FSTL5: variants seen among roughly 807,000 people sequenced by gnomAD.
FSTL5 encodes follistatin-related protein 5.
In FSTL5, 62 loss-of-function variants were observed where a neutral mutation model predicts 89.1. The ratio of observed to expected loss-of-function variants is 0.70; its 90% CI spans 0.57 to 0.86. FSTL5 has a LOEUF of 0.86. Among genes scored for constraint, FSTL5 ranks in the 40% least tolerant of loss-of-function variants. The pLI is 0.00. For missense variants in FSTL5, 1,057 were observed against 1,001.6 expected, an observed-to-expected ratio of 1.06 and a Z score of -0.75; for synonymous variants, 383 against 346.2, an observed-to-expected ratio of 1.11 and a Z score of -1.18.
chr4:161,641,814 G>A (rs953007149), intron 7 of FSTL5, among the ~76,000 whole-genome samples: 11 of 151,910 alleles, frequency 7.2e-5, no homozygotes, highest in African/African-American at 2.4e-4. Context: ...TTCAGTTGAG[G>A]ATGTTAAATG....
At chr4:162,065,508 T>C (rs1355448299) in intron 2 of FSTL5, among the ~76,000 whole-genome samples, 1 of 151,822 alleles carries the variant, frequency 6.6e-6, no homozygotes, top group Admixed American at 6.6e-5. Flanking sequence ...AAATGAGATA[T>C]CACCTAGTAC....
At chr4:161,616,543 G>T (rs1266390744) in intron 7 of FSTL5, among the ~76,000 whole-genome samples, 1 of 152,098 alleles carries the variant, frequency 6.6e-6, no homozygotes, top group African/African-American at 2.4e-5. Flanking sequence ...TCCTCAGCTT[G>T]CAGACGGCCC....
intron 4 of FSTL5, among the ~76,000 whole-genome samples, chr4:161,832,077 A>G (rs1730863464): frequency 6.6e-6 from 1 of 152,076 alleles, no homozygotes; most frequent in Non-Finnish European, 1.5e-5. Context: ...GAAAATTCTT[A>G]CCTATAAAGA....
intron 13 of FSTL5, among the ~76,000 whole-genome samples, chr4:161,472,567 A>T: frequency 6.6e-6 from 1 of 150,434 alleles, no homozygotes; most frequent in East Asian, 2.0e-4. Flanking sequence ...TTTTATTTTC[A>T]TTTGCCTCTA....
chr4:161,522,361 A>G lies in FSTL5; in HGVS notation c.1313-11937T>C, dbSNP rs1223500451. Reference sequence around the variant, plus strand: ...TTTCCAGCTGACACCTTCTGATATCACAGAGACTCCACACACATGTTTAAT... The same window carrying G: ...TTTCCAGCTGACACCTTCTGATATCGCAGAGACTCCACACACATGTTTAAT... On this transcript the variant is annotated intron_variant, in intron 10 of 15. Coordinates refer to ENST00000306100, the MANE Select transcript of FSTL5 (RefSeq NM_020116.5). Among the ~76,000 whole-genome samples, 3 of 152,278 alleles carry G rather than the reference A, an allele frequency of 2.0e-5. No homozygotes were observed. The East Asian group carries it at 5.8e-4, about 29-fold the overall frequency.
chr4:161,834,667 C>T (rs1427735637), intron 4 of FSTL5, among the ~76,000 whole-genome samples: 1 of 151,946 alleles, frequency 6.6e-6, no homozygotes, highest in Admixed American at 6.6e-5. Context: ...AACAGACAAA[C>T]AGAGAGCCAA....
chr4:161,957,905 T>C (rs751841277), intron 3 of FSTL5, among the ~76,000 whole-genome samples: 2 of 152,210 alleles, frequency 1.3e-5, no homozygotes, highest in Admixed American at 6.6e-5. Flanking sequence ...TGCTGATTTA[T>C]AGTGTTTTCA....
intron 3 of FSTL5, among the ~76,000 whole-genome samples, chr4:161,965,696 A>G (rs1735303734): frequency 6.6e-6 from 1 of 152,096 alleles, no homozygotes; most frequent in Admixed American, 6.6e-5. Flanking sequence ...GATAAATCAC[A>G]ACTTGTTTAC....
At chr4:161,627,455 T>A (rs1161978068) in intron 7 of FSTL5, among the ~76,000 whole-genome samples, 1 of 152,210 alleles carries the variant, frequency 6.6e-6, no homozygotes, top group Non-Finnish European at 1.5e-5. Flanking sequence ...ATAACTTTTA[T>A]ATGCACTGGG....
At chr4:161,539,408 A>G (rs539446514) in intron 9 of FSTL5, among the ~76,000 whole-genome samples, 2 of 152,270 alleles carry the variant, frequency 1.3e-5, no homozygotes, top group South Asian at 4.1e-4. Context: ...AGATATGGAC[A>G]GGCAGTGGAT....
chr4:161,497,284 C>T (rs1730117854), intron 12 of FSTL5, among the ~76,000 whole-genome samples: 1 of 151,758 alleles, frequency 6.6e-6, no homozygotes, highest in South Asian at 2.1e-4. Flanking sequence ...TTACTCTAGC[C>T]TTTTTTCATA....
At chr4:161,474,868 T>C (rs1430664276) in intron 13 of FSTL5, among the ~76,000 whole-genome samples, 2 of 152,112 alleles carry the variant, frequency 1.3e-5, no homozygotes, top group African/African-American at 4.8e-5. Context: ...GGTTTATTCA[T>C]ATGTTTGTTT....
chr4:162,003,957 G>T (rs1266904771), intron 3 of FSTL5, among the ~76,000 whole-genome samples: 1 of 151,982 alleles, frequency 6.6e-6, no homozygotes. Flanking sequence ...AAAGCATCTG[G>T]GTAGCAGAAT....
At chr4:161,583,176 G>A (rs1274240757) in intron 8 of FSTL5, among the ~76,000 whole-genome samples, 1 of 152,076 alleles carries the variant, frequency 6.6e-6, no homozygotes, top group Admixed American at 6.6e-5. Flanking sequence ...ACTCCAGCCT[G>A]GGCAACAGAG....
At chr4:161,487,447 C>T (rs1397754455) in intron 12 of FSTL5, among the ~76,000 whole-genome samples, 1 of 152,094 alleles carries the variant, frequency 6.6e-6, no homozygotes, top group Non-Finnish European at 1.5e-5. Context: ...CATTTAGAAA[C>T]TTTTATAGCA....
rs1736719119 is a variant in FSTL5 at position 161,661,731 on chromosome 4, T to C, written c.728-5237A>G. 2.0e-5 allele frequency among the ~76,000 whole-genome samples: 3 copies of C among 152,072 alleles called. No individual in the cohort carries two copies. In the South Asian group the frequency reaches 6.3e-4, roughly 32 times the overall value. The stretch of plus-strand genomic sequence containing the variant: ...AGACTAAATGTCTACCTGTTAAATA[T>C]TATAGCTTTTATTATAATTGGTCTT... On this transcript the variant is annotated intron_variant, in intron 6 of 15. Transcript: ENST00000306100.
At chr4:162,161,529 G>T (rs1047963821) in intron 1 of FSTL5, among the ~76,000 whole-genome samples, 2 of 151,904 alleles carry the variant, frequency 1.3e-5, no homozygotes, top group African/African-American at 4.8e-5. Flanking sequence ...ATTGCCAGTA[G>T]CATAGTTTGA....
At chr4:161,742,294 A>G (rs1399257082) in intron 6 of FSTL5, among the ~76,000 whole-genome samples, 2 of 152,152 alleles carry the variant, frequency 1.3e-5, no homozygotes, top group Non-Finnish European at 2.9e-5. Flanking sequence ...AAGGGACTGG[A>G]TTAAGAGTCA....
rs373821636 is a variant in FSTL5 at position 161,474,576 on chromosome 4, C to T, written c.1608+6444G>A. On this transcript the variant is annotated intron_variant, in intron 13 of 15. Transcript: ENST00000306100. Reference sequence around the variant, plus strand: ...TTTTTTTTTGAGATGGGCGGAGTCTCGCTCTCTCGCTCAGGCTGGAGTGCA... The same window carrying T: ...TTTTTTTTTGAGATGGGCGGAGTCTTGCTCTCTCGCTCAGGCTGGAGTGCA... 5.5e-5 allele frequency among the ~76,000 whole-genome samples: 8 copies of T among 145,972 alleles called. No individual in the cohort carries two copies. In the East Asian group the frequency reaches 6.2e-4, roughly 11 times the overall value.
Sources: gnomAD v4.1 joint callset for allele counts (sites outside exome capture counted in the v4.1 genomes callset) on GRCh38, gnomAD v4.1.1 for gene constraint, MANE v1.5 for transcripts, NCBI Gene and HGNC (gene_info 2026-07-23, HGNC 2026-07-21) for gene names.